The following RTCA variants were observed in gnomAD, a reference collection of about 807,000 sequenced individuals.
RTCA encodes RNA 3'-terminal phosphate cyclase.
RTCA carries 37 observed loss-of-function variants against 46.1 expected under a neutral mutation model. That is an observed-to-expected ratio of 0.80 (90% CI 0.62 to 1.06). The LOEUF (loss-of-function observed/expected upper bound fraction) is 1.06, where lower values mean the gene tolerates loss of function less well. Among genes scored for constraint, RTCA ranks in the 50% least tolerant of loss-of-function variants. The probability of loss-of-function intolerance (pLI) is 0.00; values close to 1 mark genes in which losing one functional copy is unlikely to be tolerated. For missense variants in RTCA, 435 were observed against 455.5 expected (o/e 0.95, Z 0.41); for synonymous variants, 164 against 158.3 (o/e 1.04, Z -0.27).
intron 8 of RTCA, among the ~76,000 whole-genome samples, chr1:100,281,049 T>G (rs528421525): frequency 6.6e-6 from 1 of 152,196 alleles, no homozygotes; most frequent in South Asian, 2.1e-4. Context: ...AATCCTAATT[T>G]CTTAGGGTTA....
chr1:100,286,414 C>A (rs1284830098), intron 9 of RTCA, among the ~76,000 whole-genome samples: 2 of 136,762 alleles, frequency 1.5e-5, no homozygotes, highest in African/African-American at 5.8e-5. Context: ...GAGAATGCGC[C>A]ACTGCACTCC....
rs1442339825 is a variant in RTCA, at chr1:100,274,875, T to A, written c.525T>A (p.Val175=). Residue 175 remains valine (V), a synonymous_variant, in exon 6 of 11, where the codon GTT becomes GTA. Coordinates refer to ENST00000370128, the MANE Select transcript of RTCA (RefSeq NM_003729.4). ...GGEVIVRMSP[V]KQLNPINLTE... ...AAGTGATTGTTCGAATGTCACCAGT[T>A]AAACAATTGAACCCTATAAATTTAA... The A allele has an allele frequency of 1.2e-6, 2 of 1,613,682 alleles. No homozygotes were observed. Among genetic ancestry groups the A allele is most frequent in the Non-Finnish European group, 1.7e-6 (2 of 1,179,656 alleles).
At chr1:100,287,328 A>G (rs1166071047) in intron 10 of RTCA, 125 bp downstream of exon 10, 2 of 585,832 alleles carry the variant, frequency 3.4e-6, no homozygotes, top group African/African-American at 2.0e-5. Context: ...TGTGACAGGC[A>G]CTGAGCTAAT....
chr1:100,274,211 CA>C (rs1347954189), intron 5 of RTCA, among the ~76,000 whole-genome samples: 2 of 152,168 alleles, frequency 1.3e-5, no homozygotes. Context: ...TTCTAGTAGA[CA>C]GTGTGTGGAG....
chr1:100,287,614 T>C (rs770601127), intron 10 of RTCA, among the ~76,000 whole-genome samples: 48 of 152,308 alleles, frequency 3.2e-4, no homozygotes, highest in Non-Finnish European at 5.9e-4. Context: ...CATAGTTGGC[T>C]ATAAAAAAAT....
intron 8 of RTCA, among the ~76,000 whole-genome samples, chr1:100,282,578 G>A (rs185756091): frequency 6.6e-6 from 1 of 152,120 alleles, no homozygotes; most frequent in Non-Finnish European, 1.5e-5. Context: ...CAAAGGATCT[G>A]GTTTCTATTA....
chr1:100,284,845 A>C (rs962973572), intron 8 of RTCA, among the ~76,000 whole-genome samples: 2 of 151,028 alleles, frequency 1.3e-5, no homozygotes, highest in African/African-American at 4.9e-5. Flanking sequence ...CAATTCTTAC[A>C]CCTTAGCTTC....
intron 4 of RTCA, 149 bp downstream of exon 4, chr1:100,270,829 G>GGCA: frequency 1.0e-6 from 1 of 985,464 alleles, no homozygotes; most frequent in African/African-American, 1.7e-5. Flanking sequence ...TTTTTTTTGA[G>GGCA]ACAGTGCTGT....
chr1:100,282,023 G>A (rs1212753873), intron 8 of RTCA, among the ~76,000 whole-genome samples: 1 of 152,108 alleles, frequency 6.6e-6, no homozygotes, highest in Non-Finnish European at 1.5e-5. Flanking sequence ...TCTCTCTGAT[G>A]TCCTAAAACA....
chr1:100,266,581 C>A lies in RTCA; in HGVS notation c.103C>A (p.Arg35=), dbSNP rs369080909. 5 of 1,613,596 alleles carry A rather than the reference C, an allele frequency of 3.1e-6. No individual in the cohort carries two copies. In the African/African-American group the frequency reaches 6.7e-5, roughly 22 times the overall value. Residue 35 remains arginine (R), a synonymous_variant, in exon 2 of 11, where the codon CGG becomes AGG. Coordinates refer to ENST00000370128, the MANE Select transcript of RTCA (RefSeq NM_003729.4). ...GAGCTGTCTCCTAGGCCTCCCCTTGCGGGTGCAGAAGATCCGAGCCGGCCG... is the reference window on the plus strand; with the variant it reads ...GAGCTGTCTCCTAGGCCTCCCCTTGAGGGTGCAGAAGATCCGAGCCGGCCG... The part of the protein sequence containing the change: ...ALSCLLGLPL[R]VQKIRAGRST...
chr1:100,285,400 A>G, intron 9 of RTCA, 78 bp downstream of exon 9: 3 of 988,748 alleles, frequency 3.0e-6, no homozygotes, highest in Non-Finnish European at 4.7e-6. Flanking sequence ...AATTTAAATA[A>G]TTGACTTTCA....
At chr1:100,273,293 C>T in intron 4 of RTCA, 101 bp from the exon 5 acceptor site, 1 of 671,712 alleles carries the variant, frequency 1.5e-6, no homozygotes, top group Non-Finnish European at 2.5e-6. Flanking sequence ...TTACCTATAG[C>T]ACCCAGTTAC....
intron 4 of RTCA, among the ~76,000 whole-genome samples, chr1:100,271,588 C>T (rs1666098496): frequency 6.6e-6 from 1 of 152,054 alleles, no homozygotes; most frequent in Non-Finnish European, 1.5e-5. Context: ...TAAGCCCCTT[C>T]CATTCTAGGA....
intron 8 of RTCA, among the ~76,000 whole-genome samples, chr1:100,283,679 CAAG>C (rs1557979227): frequency 6.6e-6 from 1 of 151,974 alleles, no homozygotes; most frequent in African/African-American, 2.4e-5. Flanking sequence ...CAGTGGCTAA[CAAG>C]AAGTCAAGAT....
At chr1:100,268,727 A>G (rs1437647219) in intron 3 of RTCA, among the ~76,000 whole-genome samples, 1 of 152,208 alleles carries the variant, frequency 6.6e-6, no homozygotes, top group African/African-American at 2.4e-5. Flanking sequence ...GAAATTCATT[A>G]TTACTGATAG....
At position 100,274,870 on chromosome 1, in the gene RTCA, C is replaced by A. The variant is rs758171041; in HGVS notation, c.520C>A (p.Pro174Thr). 3.1e-6 allele frequency: 5 copies of A among 1,613,448 alleles called. No individual in the cohort carries two copies. In the Admixed American group the frequency reaches 8.3e-5, roughly 27 times the overall value. The change falls in exon 6 of 11, where the codon CCA becomes ACA. Residue 174 changes from proline to threonine, a missense_variant. By Grantham distance (38) the Pro-to-Thr change is conservative. Coordinates refer to ENST00000370128, the MANE Select transcript of RTCA (RefSeq NM_003729.4). ...TGGTGAAGTGATTGTTCGAATGTCA[C>A]CAGTTAAACAATTGAACCCTATAAA... ...GGGEVIVRMS[P>T]VKQLNPINLT... is the part of the protein sequence containing the mutation.
At chr1:100,267,650 A>AG in intron 2 of RTCA, 1 of 752,948 alleles carries the variant, frequency 1.3e-6, no homozygotes, top group Non-Finnish European at 1.7e-6. Context: ...TGTATGTTCT[A>AG]GTTTTTTTTT....
intron 8 of RTCA, among the ~76,000 whole-genome samples, chr1:100,279,204 A>T (rs1166031002): frequency 1.3e-5 from 2 of 152,226 alleles, no homozygotes; most frequent in Non-Finnish European, 1.5e-5. Context: ...ATTACTGGTT[A>T]CCAAATGTGC....
intron 2 of RTCA, 112 bp from the exon 3 acceptor site, chr1:100,268,040 G>T: frequency 6.8e-7 from 1 of 1,460,160 alleles, no homozygotes; most frequent in Admixed American, 2.2e-5. Context: ...GGCACTTACT[G>T]TGGTTAGACC....
Sources: allele counts gnomAD v4.1 joint callset (sites outside exome capture counted in the v4.1 genomes callset), GRCh38; gene constraint gnomAD v4.1.1; transcripts MANE v1.5; gene names NCBI Gene and HGNC (gene_info 2026-07-23, HGNC 2026-07-21).